The following PTPA variants were observed in gnomAD, a reference collection of about 807,000 sequenced individuals.
PTPA encodes the protein protein phosphatase 2 phosphatase activator.
Under a neutral mutation model 43.6 loss-of-function variants are expected in PTPA, and 13 were observed. The observed-to-expected ratio is 0.30, with a 90% CI of 0.19 to 0.47. The LOEUF (loss-of-function observed/expected upper bound fraction) is 0.47. PTPA is among the 20% of genes least tolerant of loss of function. The probability of loss-of-function intolerance (pLI) is 0.99; values close to 1 mark genes in which losing one functional copy is unlikely to be tolerated. For missense variants in PTPA, 329 were observed against 411.9 expected (o/e 0.80, Z 1.74); for synonymous variants, 172 against 158.2 (o/e 1.09, Z -0.66).
At chr9:129,145,762 C>T (rs532618100) in intron 9 of PTPA, among the ~76,000 whole-genome samples, 2 of 92,808 alleles carry the variant, frequency 2.2e-5, no homozygotes, top group South Asian at 6.7e-4. Flanking sequence ...TGGGCCATGG[C>T]TGTGTGGGTG....
At chr9:129,129,777 G>A (rs1167261775) in intron 4 of PTPA, among the ~76,000 whole-genome samples, 10 of 152,100 alleles carry the variant, frequency 6.6e-5, no homozygotes, top group Non-Finnish European at 1.5e-4. Flanking sequence ...CCCCAAAAAG[G>A]AATTTTTTTC....
chr9:129,138,487 G>C (rs1850532511), intron 8 of PTPA, among the ~76,000 whole-genome samples: 1 of 152,164 alleles, frequency 6.6e-6, no homozygotes. Context: ...CCTCTCTTGA[G>C]GGAGGTGTTA....
chr9:129,125,663 C>T (rs560064673), intron 3 of PTPA, among the ~76,000 whole-genome samples: 2 of 152,256 alleles, frequency 1.3e-5, no homozygotes, highest in Admixed American at 6.5e-5. Flanking sequence ...CCCTCTGTTT[C>T]CTCATCTGTA....
intron 4 of PTPA, among the ~76,000 whole-genome samples, chr9:129,130,498 A>G (rs1227374813): frequency 4.0e-5 from 6 of 151,858 alleles, no homozygotes; most frequent in Non-Finnish European, 5.9e-5. Context: ...GGCTCAAGCA[A>G]TCGTCCTGCC....
At chr9:129,124,925 A>T (rs550576858) in intron 3 of PTPA, among the ~76,000 whole-genome samples, 16 of 152,280 alleles carry the variant, frequency 1.1e-4, no homozygotes, top group Middle Eastern at 3.4e-3. Context: ...CTATTAGGTG[A>T]CCTAGGTCCT....
At chr9:129,125,483 C>T (rs1564189346) in intron 3 of PTPA, among the ~76,000 whole-genome samples, 1 of 152,110 alleles carries the variant, frequency 6.6e-6, no homozygotes, top group Non-Finnish European at 1.5e-5. Flanking sequence ...AACTCCTGAC[C>T]TCAGGTGCTT....
intron 9 of PTPA, 129 bp from the exon 10 acceptor site, chr9:129,147,258 T>C: frequency 1.2e-6 from 1 of 825,910 alleles, no homozygotes. Context: ...GAGGAAGGCC[T>C]GGGGGATCCC....
At chr9:129,121,462 A>G (rs1397227544) in intron 2 of PTPA, among the ~76,000 whole-genome samples, 1 of 152,206 alleles carries the variant, frequency 6.6e-6, no homozygotes, top group Non-Finnish European at 1.5e-5. Flanking sequence ...ACCAGGATCA[A>G]CAGTCCCTTC....
Position 129,136,533 on chromosome 9 carries a change from G to C in PTPA, c.623G>C (p.Gly208Ala), listed in dbSNP as rs1256021684. 1 of 1,613,864 alleles carries C rather than the reference G, an allele frequency of 6.2e-7. No individual in the cohort carries two copies. ...AGGATGGAGCCAGCCGGCAGCCAGGGAGTGTGGGGTCTGGATGACTTCCAG... is the reference window on the plus strand; with the variant it reads ...AGGATGGAGCCAGCCGGCAGCCAGGCAGTGTGGGGTCTGGATGACTTCCAG... ...TYRMEPAGSQ[G>A]VWGLDDFQFL... Residue 208 changes from glycine (G) to alanine (A), a missense_variant, in exon 7 of 10, where the codon GGA (glycine) becomes GCA (alanine). Gly to Ala is a moderately conservative substitution (Grantham distance 60, BLOSUM62 0). Coordinates refer to ENST00000393370, the MANE Select transcript of PTPA (RefSeq NM_178000.3).
chr9:129,114,393 C>T (rs1373954139), intron 1 of PTPA, among the ~76,000 whole-genome samples: 2 of 152,224 alleles, frequency 1.3e-5, no homozygotes, highest in African/African-American at 2.4e-5. Context: ...CCTGGCAAGT[C>T]ACAGCTCTGT....
At chr9:129,142,332 GTGCGTT>G (rs939740819) in intron 8 of PTPA, 107 bp from the exon 9 acceptor site, 38 of 921,204 alleles carry the variant, frequency 4.1e-5, no homozygotes, top group Non-Finnish European at 5.7e-5. Context: ...TTGTGTGCGT[GTGCGTT>G]TGTGTGTGTG....
At chr9:129,143,637 G>C in intron 9 of PTPA, 1 of 560,530 alleles carries the variant, frequency 1.8e-6, no homozygotes, top group Non-Finnish European at 3.2e-6. Context: ...GAACAGACCG[G>C]GCCCTCACTC....
Position 129,131,781 on chromosome 9 carries a change from G to A in PTPA, c.460+142G>A, listed in dbSNP as rs1179564515. ...CTGCAACCTATTGGGGCCAGCTGGG[G>A]TTAGGGTGGCTTCACCGGCAGGGAG... On this transcript the variant is annotated intron_variant, in intron 5 of 9. Transcript: ENST00000393370. 4.9e-6 allele frequency: 4 copies of A among 819,380 alleles called. No homozygotes were observed. In the African/African-American group the frequency reaches 6.8e-5, roughly 14 times the overall value. 50.8% of individuals were successfully genotyped at this position (819,380 alleles called of 1,614,324 possible).
intron 3 of PTPA, chr9:129,128,085 C>A: frequency 7.6e-7 from 1 of 1,310,612 alleles, no homozygotes; most frequent in Non-Finnish European, 1.0e-6. Flanking sequence ...ATCATCAGCC[C>A]CATTTTTTAG....
intron 9 of PTPA, among the ~76,000 whole-genome samples, chr9:129,144,947 C>T (rs1195944717): frequency 2.6e-5 from 4 of 151,914 alleles, no homozygotes; most frequent in Non-Finnish European, 5.9e-5. Flanking sequence ...ACGGGAGAAT[C>T]GCTTGAACCT....
chr9:129,123,224 A>C, intron 3 of PTPA, 86 bp downstream of exon 3: 8 of 1,220,832 alleles, frequency 6.6e-6, no homozygotes, highest in Non-Finnish European at 9.5e-6. Flanking sequence ...CTGTAATCTC[A>C]GCACCTTGGG....
chr9:129,144,003 T>C (rs1851104570), intron 9 of PTPA, among the ~76,000 whole-genome samples: 2 of 151,534 alleles, frequency 1.3e-5, no homozygotes, highest in South Asian at 4.2e-4. Flanking sequence ...GAGAGGACTC[T>C]GGCTGCCTTC....
intron 9 of PTPA, 70 bp from the exon 10 acceptor site, chr9:129,147,317 C>G: frequency 6.7e-7 from 1 of 1,488,312 alleles, no homozygotes; most frequent in Admixed American, 1.7e-5. Context: ...GGAGCTGCTG[C>G]GGTTGTTGGG....
chr9:129,137,209 C>T (rs1041174048), intron 7 of PTPA, among the ~76,000 whole-genome samples: 3 of 152,192 alleles, frequency 2.0e-5, no homozygotes, highest in East Asian at 1.9e-4. Flanking sequence ...ATTGCCTCCC[C>T]GAATCTTCTC....
Sources: gnomAD v4.1 joint callset for allele counts (sites outside exome capture counted in the v4.1 genomes callset) on GRCh38, gnomAD v4.1.1 for gene constraint, MANE v1.5 for transcripts, NCBI Gene and HGNC (gene_info 2026-07-23, HGNC 2026-07-21) for gene names.